Variants in OLFM3 observed in about 807,000 individuals in gnomAD.
OLFM3 encodes noelin-3.
Under a neutral mutation model 48.6 loss-of-function variants are expected in OLFM3, and 20 were observed. The observed-to-expected ratio is 0.41, with a 90% CI of 0.29 to 0.60. OLFM3 has a LOEUF of 0.60. Among genes scored for constraint, OLFM3 ranks in the 20% least tolerant of loss-of-function variants. OLFM3 has a pLI of 0.28. For synonymous variants in OLFM3, 222 were observed against 198.1 expected (o/e 1.12, Z -1.01); for missense variants, 437 against 544.3 (o/e 0.80, Z 1.96).
At position 101,899,073 on chromosome 1, in the gene OLFM3, C is replaced by A. The variant is rs185809248; in HGVS notation, c.70-62048G>T. Among the ~76,000 whole-genome samples the A allele has an allele frequency of 3.2e-3, 487 of 152,284 alleles. 4 individuals are homozygous for A. The highest frequency in any genetic ancestry group is 0.011 in the African/African-American group (457 of 41,546). On this transcript the variant is annotated intron_variant, in intron 1 of 5. Transcript: ENST00000370103. ...CATTGATTATCTCACAGTTTCCGTG[C>A]CAGGAATCTGGGTACAGCTCAGCTG...
intron 1 of OLFM3, among the ~76,000 whole-genome samples, chr1:101,991,309 G>T (rs1475865534): frequency 3.3e-5 from 5 of 151,884 alleles, no homozygotes; most frequent in Admixed American, 3.3e-4. Context: ...GTCTGGTTTT[G>T]TATCTTTCCC....
chr1:101,966,350 T>C (rs113078600), intron 1 of OLFM3, among the ~76,000 whole-genome samples: 61 of 99,908 alleles, frequency 6.1e-4, no homozygotes, highest in African/African-American at 2.3e-3. Context: ...TGTGTGTGTG[T>C]GCGCTACAGA....
At chr1:101,951,125 T>C (rs1364392983) in intron 1 of OLFM3, among the ~76,000 whole-genome samples, 2 of 152,226 alleles carry the variant, frequency 1.3e-5, no homozygotes, top group Non-Finnish European at 2.9e-5. Flanking sequence ...TTAGCACAGA[T>C]TTTTAGCACT....
intron 1 of OLFM3, among the ~76,000 whole-genome samples, chr1:101,885,783 C>A (rs1168341720): frequency 2.0e-5 from 3 of 152,182 alleles, no homozygotes; most frequent in East Asian, 3.9e-4. Flanking sequence ...ACTCTTTATG[C>A]TATTGGTACA....
At chr1:101,851,450 C>A (rs1251714317) in intron 1 of OLFM3, among the ~76,000 whole-genome samples, 1 of 152,072 alleles carries the variant, frequency 6.6e-6, no homozygotes, top group African/African-American at 2.4e-5. Flanking sequence ...AAGGAACAGA[C>A]CAGCTGAAGG....
chr1:101,905,181 ACAGT>A (rs1658512006), intron 1 of OLFM3, among the ~76,000 whole-genome samples: 1 of 152,158 alleles, frequency 6.6e-6, no homozygotes, highest in African/African-American at 2.4e-5. Context: ...ACATTCTTGG[ACAGT>A]CAATACCATG....
intron 1 of OLFM3, among the ~76,000 whole-genome samples, chr1:101,949,787 G>A (rs1184615145): frequency 1.3e-5 from 2 of 151,906 alleles, no homozygotes; most frequent in Admixed American, 6.6e-5. Context: ...AAAATCAGCC[G>A]GGCGTCGTGG....
chr1:101,938,643 T>G (rs1570648229), intron 1 of OLFM3, among the ~76,000 whole-genome samples: 1 of 152,340 alleles, frequency 6.6e-6, no homozygotes, highest in Admixed American at 6.5e-5. Flanking sequence ...GGCTCACTTG[T>G]GTTAAAAGTT....
At chr1:101,811,563 G>A (rs918158585) in intron 4 of OLFM3, among the ~76,000 whole-genome samples, 1 of 152,146 alleles carries the variant, frequency 6.6e-6, no homozygotes, top group African/African-American at 2.4e-5. Context: ...AGACATTTAT[G>A]CAGCCAACAG....
chr1:101,984,519 T>A (rs1193819104), intron 1 of OLFM3, among the ~76,000 whole-genome samples: 1 of 152,120 alleles, frequency 6.6e-6, no homozygotes, highest in Non-Finnish European at 1.5e-5. Context: ...TGCCTCAGCA[T>A]CCCAAGTAGC....
intron 1 of OLFM3, among the ~76,000 whole-genome samples, chr1:101,874,322 C>T (rs77079813): frequency 3.6e-4 from 54 of 151,900 alleles, no homozygotes; most frequent in African/African-American, 1.3e-3. Flanking sequence ...TGAACATTGT[C>T]CCCATCACTA....
chr1:101,873,261 T>A lies in OLFM3; in HGVS notation c.70-36236A>T, dbSNP rs532818547. On this transcript the variant is annotated intron_variant, in intron 1 of 5. Transcript: ENST00000370103. ...TTCCTTCTGCATATGTATATTCATT[T>A]ATAAGAACATAAGCAGGAAAGAAGA... 5.9e-5 allele frequency among the ~76,000 whole-genome samples: 9 copies of A among 152,058 alleles called. No individual in the cohort carries two copies. The East Asian group carries it at 1.7e-3, about 29-fold the overall frequency.
intron 1 of OLFM3, among the ~76,000 whole-genome samples, chr1:101,914,535 A>G (rs931267049): frequency 9.2e-5 from 14 of 152,216 alleles, no homozygotes; most frequent in African/African-American, 3.4e-4. Context: ...AGTTTTTAGA[A>G]TACTATTTCA....
intron 1 of OLFM3, among the ~76,000 whole-genome samples, chr1:101,966,317 T>TTTTG (rs371512942): frequency 0.013 from 1,671 of 128,128 alleles, 32 homozygotes; most frequent in East Asian, 0.055. Flanking sequence ...CCTGGCTAAT[T>TTTTG]TGTGTGTGTG....
chr1:101,971,334 A>G (rs1384455939), intron 1 of OLFM3, among the ~76,000 whole-genome samples: 1 of 152,186 alleles, frequency 6.6e-6, no homozygotes, highest in Non-Finnish European at 1.5e-5. Flanking sequence ...TAGTTTTTGC[A>G]TTGGAATTTG....
At chr1:101,934,365 G>A (rs909009874) in intron 1 of OLFM3, among the ~76,000 whole-genome samples, 69 of 152,160 alleles carry the variant, frequency 4.5e-4, no homozygotes, top group African/African-American at 1.6e-3. Context: ...AATCAGAAAA[G>A]GCAAAGAAGG....
At chr1:101,950,776 T>C (rs1660122078) in intron 1 of OLFM3, among the ~76,000 whole-genome samples, 1 of 152,156 alleles carries the variant, frequency 6.6e-6, no homozygotes, top group African/African-American at 2.4e-5. Context: ...ACTATCTCTG[T>C]CTACTAGTAT....
intron 1 of OLFM3, among the ~76,000 whole-genome samples, chr1:101,913,454 C>A (rs1413751959): frequency 6.6e-6 from 1 of 152,104 alleles, no homozygotes; most frequent in Non-Finnish European, 1.5e-5. Context: ...AAGACATGAA[C>A]TTCAAATAAC....
chr1:101,980,401 A>T (rs1661076783), intron 1 of OLFM3, among the ~76,000 whole-genome samples: 1 of 152,088 alleles, frequency 6.6e-6, no homozygotes, highest in African/African-American at 2.4e-5. Flanking sequence ...AGTGGAGGTG[A>T]CTGGATCATG....
Sources: gnomAD v4.1 joint callset for allele counts (sites outside exome capture counted in the v4.1 genomes callset) on GRCh38, gnomAD v4.1.1 for gene constraint, MANE v1.5 for transcripts, NCBI Gene and HGNC (gene_info 2026-07-23, HGNC 2026-07-21) for gene names.